Variants in PDE8B observed in about 807,000 individuals in gnomAD.
PDE8B encodes the protein phosphodiesterase 8B.
PDE8B carries 26 observed loss-of-function variants against 101.3 expected under a neutral mutation model. The ratio of observed to expected loss-of-function variants is 0.26; its 90% CI spans 0.19 to 0.36. The LOEUF (loss-of-function observed/expected upper bound fraction) is 0.36, where lower values mean the gene tolerates loss of function less well. Ranked by LOEUF, PDE8B falls within the 10% of genes least tolerant of loss-of-function variation. The probability of loss-of-function intolerance (pLI) is 1.00; values close to 1 mark genes in which losing one functional copy is unlikely to be tolerated. For synonymous variants in PDE8B, 424 were observed against 429.3 expected, an observed-to-expected ratio of 0.99 and a Z score of 0.15; for missense variants, 810 against 1,163.1, an observed-to-expected ratio of 0.70 and a Z score of 4.42.
intron 1 of PDE8B, among the ~76,000 whole-genome samples, chr5:77,267,280 A>G (rs1761914723): frequency 6.6e-6 from 1 of 152,084 alleles, no homozygotes; most frequent in Non-Finnish European, 1.5e-5. Context: ...TCTACTAAAA[A>G]TAAAAAAAAA....
At chr5:77,174,313 C>T in the PDE8B span, among the ~76,000 whole-genome samples, 1 of 152,220 alleles carries the variant, frequency 6.6e-6, no homozygotes, top group Non-Finnish European at 1.5e-5. Context: ...TCCCCACTCA[C>T]AGCCACTGAG....
At chr5:77,258,289 CAAAAAAA>C (rs70988662) in intron 1 of PDE8B, among the ~76,000 whole-genome samples, 3 of 88,580 alleles carry the variant, frequency 3.4e-5, no homozygotes, top group Non-Finnish European at 4.4e-5. Context: ...GACTCCATCT[CAAAAAAA>C]AAAAAAAAAA....
intron 2 of PDE8B, among the ~76,000 whole-genome samples, chr5:77,315,230 C>T (rs1399564270): frequency 2.0e-5 from 3 of 152,114 alleles, no homozygotes; most frequent in Non-Finnish European, 4.4e-5. Context: ...AATCTTTACT[C>T]CCAGGTCAAG....
At chr5:77,368,923 C>G (rs1281190242) in intron 10 of PDE8B, among the ~76,000 whole-genome samples, 1 of 152,054 alleles carries the variant, frequency 6.6e-6, no homozygotes, top group Non-Finnish European at 1.5e-5. Context: ...AAAGAAGAGG[C>G]TGGGCGCAGT....
intron 1 of PDE8B, among the ~76,000 whole-genome samples, chr5:77,268,503 AC>A (rs201761481): frequency 0.018 from 2,601 of 145,158 alleles, 64 homozygotes; most frequent in African/African-American, 0.062. Context: ...TTCCTGCCCC[AC>A]CCCCCCACTA....
intron 1 of PDE8B, among the ~76,000 whole-genome samples, chr5:77,256,161 T>G (rs1759127958): frequency 6.6e-6 from 1 of 152,228 alleles, no homozygotes; most frequent in South Asian, 2.1e-4. Context: ...TTGTATTTTT[T>G]TGCAACAAAA....
At chr5:77,265,769 A>G (rs1761562872) in intron 1 of PDE8B, among the ~76,000 whole-genome samples, 1 of 152,238 alleles carries the variant, frequency 6.6e-6, no homozygotes. Context: ...ATTAAATAAG[A>G]AAAGGCAAAA....
At position 77,427,419 on chromosome 5, in the gene PDE8B, G is replaced by T. The variant is rs202157206; in HGVS notation, c.*865G>T. 8.7e-6 allele frequency: 1 copy of T among 115,310 alleles called. No individual in the cohort carries two copies. The highest frequency in any genetic ancestry group is 2.7e-4 in the East Asian group (1 of 3,642). The allele number at this position is 115,310 out of a possible 1,614,324, so 7.1% of individuals were successfully genotyped here. ...CTTTTCTTAAAAAAAAAAAAAAAAAGTTTATATACATGTTTAAAATTTTTA... is the reference window on the plus strand; with the variant it reads ...CTTTTCTTAAAAAAAAAAAAAAAAATTTTATATACATGTTTAAAATTTTTA... On this transcript the variant is annotated 3_prime_UTR_variant, in exon 22 of 22. Coordinates refer to ENST00000264917, the MANE Select transcript of PDE8B (RefSeq NM_003719.5).
the PDE8B span, among the ~76,000 whole-genome samples, chr5:77,100,752 C>A: frequency 6.6e-6 from 1 of 152,042 alleles, no homozygotes; most frequent in Admixed American, 6.6e-5. Context: ...CTTATCCCAC[C>A]GTGATTTCAG....
chr5:77,303,876 G>A (rs1770560613), intron 1 of PDE8B, among the ~76,000 whole-genome samples: 1 of 152,094 alleles, frequency 6.6e-6, no homozygotes, highest in Non-Finnish European at 1.5e-5. Flanking sequence ...AACTCTAGTT[G>A]TTTCATTTTT....
the PDE8B span, among the ~76,000 whole-genome samples, chr5:77,148,714 A>T: frequency 1.3e-5 from 2 of 152,176 alleles, no homozygotes; most frequent in African/African-American, 2.4e-5. Context: ...CTGCCCATTT[A>T]AAAATCGAGT....
chr5:77,425,531 C>A (rs1003753050), intron 20 of PDE8B, among the ~76,000 whole-genome samples: 5 of 152,050 alleles, frequency 3.3e-5, no homozygotes, highest in African/African-American at 1.2e-4. Context: ...ACAGCTTGGG[C>A]AACAGAGTGA....
chr5:77,324,095 G>C (rs1005814325), intron 2 of PDE8B, among the ~76,000 whole-genome samples: 2 of 152,152 alleles, frequency 1.3e-5, no homozygotes, highest in Non-Finnish European at 2.9e-5. Flanking sequence ...TGACTCAAAA[G>C]CTCTTCATGT....
At chr5:77,253,417 A>G (rs570943043) in intron 1 of PDE8B, among the ~76,000 whole-genome samples, 1 of 152,154 alleles carries the variant, frequency 6.6e-6, no homozygotes, top group African/African-American at 2.4e-5. Context: ...TTGGATTCCA[A>G]ATTCCTGTCT....
At chr5:77,174,842 C>A in the PDE8B span, among the ~76,000 whole-genome samples, 1 of 152,128 alleles carries the variant, frequency 6.6e-6, no homozygotes, top group East Asian at 1.9e-4. Context: ...TAATGACTCT[C>A]AAATTTATGG....
chr5:77,322,940 A>G (rs1052360261), intron 2 of PDE8B, among the ~76,000 whole-genome samples: 1 of 152,244 alleles, frequency 6.6e-6, no homozygotes, highest in Non-Finnish European at 1.5e-5. Context: ...GAATTGTTAT[A>G]TTCTTACTGT....
intron 10 of PDE8B, among the ~76,000 whole-genome samples, chr5:77,366,063 G>A (rs1478226025): frequency 6.6e-6 from 1 of 151,918 alleles, no homozygotes; most frequent in East Asian, 1.9e-4. Flanking sequence ...CAGGTTTTTG[G>A]GTTTTTTTGT....
chr5:77,322,997 CT>C (rs1156946114), intron 2 of PDE8B, among the ~76,000 whole-genome samples: 3 of 152,180 alleles, frequency 2.0e-5, no homozygotes, highest in Non-Finnish European at 4.4e-5. Context: ...ATATAAATTG[CT>C]GAGATTCTTG....
rs116009658 is a variant in PDE8B at position 77,281,430 on chromosome 5, T to C, written c.340-30564T>C. Among the ~76,000 whole-genome samples the C allele has an allele frequency of 5.4e-3, 817 of 152,330 alleles. 8 individuals carry two copies. The highest frequency in any genetic ancestry group is 0.019 in the African/African-American group (797 of 41,582). On this transcript the variant is annotated intron_variant, in intron 1 of 21. Coordinates refer to ENST00000264917, the MANE Select transcript of PDE8B (RefSeq NM_003719.5). Reference sequence around the variant, plus strand: ...GGCCAGAAATTCAAAATGAATCTTATGGGATAAAACCAAGGTGTTGGCAGG... The same window carrying C: ...GGCCAGAAATTCAAAATGAATCTTACGGGATAAAACCAAGGTGTTGGCAGG...
Sources: gnomAD v4.1 joint callset for allele counts (sites outside exome capture counted in the v4.1 genomes callset) on GRCh38, gnomAD v4.1.1 for gene constraint, MANE v1.5 for transcripts, NCBI Gene and HGNC (gene_info 2026-07-23, HGNC 2026-07-21) for gene names.